The following ZCCHC24 variants were observed in gnomAD, a reference collection of about 807,000 sequenced individuals.
The protein encoded by ZCCHC24 is zinc finger CCHC domain-containing protein 24.
A neutral mutation model predicts 26.2 loss-of-function variants in ZCCHC24; 10 were observed. That is an observed-to-expected ratio of 0.38 (90% CI 0.24 to 0.65). The LOEUF (loss-of-function observed/expected upper bound fraction) is 0.65. Ranked by LOEUF, ZCCHC24 falls within the 30% of genes least tolerant of loss-of-function variation. The pLI is 0.54. For synonymous variants in ZCCHC24, 144 were observed against 147.1 expected, an observed-to-expected ratio of 0.98 and a Z score of 0.15; for missense variants, 243 against 329.1, an observed-to-expected ratio of 0.74 and a Z score of 2.03.
chr10:79,398,933 C>T (rs943960565), intron 2 of ZCCHC24, among the ~76,000 whole-genome samples: 2 of 152,184 alleles, frequency 1.3e-5, no homozygotes, highest in African/African-American at 4.8e-5. Flanking sequence ...GGGCAGCAGG[C>T]TAGGCTCAGC....
At chr10:79,433,741 G>A (rs1486730056) in intron 1 of ZCCHC24, among the ~76,000 whole-genome samples, 1 of 152,226 alleles carries the variant, frequency 6.6e-6, no homozygotes, top group Non-Finnish European at 1.5e-5. Context: ...GTGTCTGATG[G>A]GGAGACAAGG....
chr10:79,413,982 T>A (rs1270867238), intron 2 of ZCCHC24, among the ~76,000 whole-genome samples: 1 of 152,216 alleles, frequency 6.6e-6, no homozygotes, highest in African/African-American at 2.4e-5. Context: ...TTGCTCCACC[T>A]TCCAGTCCTC....
intron 3 of ZCCHC24, among the ~76,000 whole-genome samples, chr10:79,392,385 G>C (rs1179588654): frequency 6.6e-6 from 1 of 152,182 alleles, no homozygotes; most frequent in African/African-American, 2.4e-5. Flanking sequence ...CAGCCCGCTT[G>C]TCTCCCATTC....
At chr10:79,421,927 C>A (rs1280585463) in intron 2 of ZCCHC24, among the ~76,000 whole-genome samples, 1 of 152,174 alleles carries the variant, frequency 6.6e-6, no homozygotes, top group Non-Finnish European at 1.5e-5. Context: ...CCGCACCCAG[C>A]CTTCTATACA....
In ZCCHC24 at chr10:79,440,537, G is replaced by A. The variant is rs189964674; in HGVS notation, c.246+4658C>T. Among the ~76,000 whole-genome samples, 212 of 152,306 alleles carry A rather than the reference G, an allele frequency of 1.4e-3. 2 individuals carry two copies. The highest frequency in any genetic ancestry group is 4.9e-3 in the African/African-American group (203 of 41,564). On this transcript the variant is annotated intron_variant, in intron 1 of 3. Transcript: ENST00000372336. The stretch of plus-strand genomic sequence containing the variant: ...GGGACCCAGAGGCTGATCCAGGGGA[G>A]AGCAAATCTGGGGACCAATTGCAGG...
At chr10:79,388,722 G>A (rs1319306439) in intron 3 of ZCCHC24, among the ~76,000 whole-genome samples, 1 of 152,174 alleles carries the variant, frequency 6.6e-6, no homozygotes, top group Non-Finnish European at 1.5e-5. Context: ...ACTCCCCATG[G>A]CTTACACATT....
At chr10:79,419,339 T>C (rs921413870) in intron 2 of ZCCHC24, among the ~76,000 whole-genome samples, 2 of 152,214 alleles carry the variant, frequency 1.3e-5, no homozygotes, top group Non-Finnish European at 2.9e-5. Context: ...TCTGCAAGGA[T>C]GGTGAACCCA....
intron 1 of ZCCHC24, among the ~76,000 whole-genome samples, chr10:79,443,471 C>T (rs780778973): frequency 1.8e-4 from 28 of 152,146 alleles, no homozygotes; most frequent in Non-Finnish European, 3.5e-4. Context: ...CACCCTTCTC[C>T]CAGGGTGAGA....
chr10:79,411,518 AG>A (rs1856791451), intron 2 of ZCCHC24, among the ~76,000 whole-genome samples: 1 of 152,176 alleles, frequency 6.6e-6, no homozygotes, highest in Admixed American at 6.5e-5. Flanking sequence ...AAAACCCAGG[AG>A]GGAGAGGATG....
At chr10:79,402,201 G>A (rs760344633) in intron 2 of ZCCHC24, among the ~76,000 whole-genome samples, 5 of 152,226 alleles carry the variant, frequency 3.3e-5, no homozygotes, top group Non-Finnish European at 7.3e-5. Flanking sequence ...GAGTAAACAG[G>A]GGATAGAGGT....
intron 2 of ZCCHC24, among the ~76,000 whole-genome samples, chr10:79,415,859 C>A (rs1773272354): frequency 1.3e-5 from 2 of 152,200 alleles, no homozygotes; most frequent in Non-Finnish European, 1.5e-5. Context: ...CTGCCAAGAA[C>A]CCCTTGTAGG....
intron 2 of ZCCHC24, among the ~76,000 whole-genome samples, chr10:79,427,068 A>AG (rs1857038048): frequency 7.9e-5 from 12 of 151,936 alleles, no homozygotes; most frequent in East Asian, 3.9e-4. Context: ...ATACTTTAAA[A>AG]CAAAAAAAAA....
chr10:79,406,379 G>A (rs1363502575), intron 2 of ZCCHC24, among the ~76,000 whole-genome samples: 1 of 152,158 alleles, frequency 6.6e-6, no homozygotes, highest in Non-Finnish European at 1.5e-5. Flanking sequence ...CAGAGGAAGA[G>A]CTGCTCTTAT....
intron 2 of ZCCHC24, among the ~76,000 whole-genome samples, chr10:79,396,960 A>G (rs1317110889): frequency 1.3e-5 from 2 of 152,240 alleles, no homozygotes; most frequent in Non-Finnish European, 2.9e-5. Flanking sequence ...CACACAGAAG[A>G]CAAAACAGGA....
At chr10:79,390,011 G>GCAC (rs1408651492) in intron 3 of ZCCHC24, among the ~76,000 whole-genome samples, 2 of 152,116 alleles carry the variant, frequency 1.3e-5, no homozygotes, top group Non-Finnish European at 2.9e-5. Flanking sequence ...CCACAGGCAT[G>GCAC]CACCACCATA....
At chr10:79,441,311 G>A (rs934636045) in intron 1 of ZCCHC24, among the ~76,000 whole-genome samples, 2 of 152,086 alleles carry the variant, frequency 1.3e-5, no homozygotes, top group Admixed American at 6.5e-5. Context: ...TTTAAAGGAG[G>A]ACACTGTATG....
In ZCCHC24 at chr10:79,432,540, G is replaced by A; in HGVS notation, c.447+18C>T. 1 of 1,588,900 alleles carries A rather than the reference G, an allele frequency of 6.3e-7. No homozygotes were observed. The highest frequency in any genetic ancestry group is 8.6e-7 in the Non-Finnish European group (1 of 1,168,094). On this transcript the variant is annotated intron_variant, in intron 2 of 3. Transcript: ENST00000372336. ...GTAGGGGAGCCCAAGAGCACCCCCT[G>A]GGCCAGGGCTGCCTTACCTGGGGGC...
intron 3 of ZCCHC24, among the ~76,000 whole-genome samples, chr10:79,391,541 C>A (rs1050655476): frequency 6.6e-6 from 1 of 151,892 alleles, no homozygotes; most frequent in Non-Finnish European, 1.5e-5. Flanking sequence ...TCGTAAGGAC[C>A]CAGCCCCCAG....
rs777958965 is a variant in ZCCHC24 at position 79,394,714 on chromosome 10, A to G, written c.448-274T>C. On this transcript the variant is annotated intron_variant, in intron 2 of 3. Coordinates refer to ENST00000372336, the MANE Select transcript of ZCCHC24 (RefSeq NM_153367.4). ...CTAGATTTAAGGGGTAAAGTACTCAATGGTGGCTGGAAATTACTTCCTTAA... is the reference window on the plus strand; with the variant it reads ...CTAGATTTAAGGGGTAAAGTACTCAGTGGTGGCTGGAAATTACTTCCTTAA... 5 of 885,470 alleles carry G rather than the reference A, an allele frequency of 5.6e-6. No individual in the cohort carries two copies. The African/African-American group carries it at 7.3e-5, about 13-fold the overall frequency. The allele number at this position is 885,470 out of a possible 1,614,324, so 54.9% of individuals were successfully genotyped here.
Sources: gnomAD v4.1 joint callset for allele counts (sites outside exome capture counted in the v4.1 genomes callset) on GRCh38, gnomAD v4.1.1 for gene constraint, MANE v1.5 for transcripts, NCBI Gene and HGNC (gene_info 2026-07-23, HGNC 2026-07-21) for gene names.